The following FBXO16 variants were observed in gnomAD, a reference collection of about 807,000 sequenced individuals.
FBXO16 encodes F-box only protein 16.
Under a neutral mutation model 41.0 loss-of-function variants are expected in FBXO16, and 31 were observed. The ratio of observed to expected loss-of-function variants is 0.76; its 90% CI spans 0.57 to 1.02. The LOEUF (loss-of-function observed/expected upper bound fraction) is 1.02, where lower values mean the gene tolerates loss of function less well. Ranked by LOEUF, FBXO16 falls within the 50% of genes least tolerant of loss-of-function variation. The pLI is 0.00. For missense variants in FBXO16, 361 were observed against 346.2 expected, an observed-to-expected ratio of 1.04 and a Z score of -0.34; for synonymous variants, 133 against 117.8, an observed-to-expected ratio of 1.13 and a Z score of -0.84.
chr8:28,483,986 G>T (rs1033795772), intron 1 of FBXO16, among the ~76,000 whole-genome samples: 1 of 152,152 alleles, frequency 6.6e-6, no homozygotes. Flanking sequence ...TGAGGTGGTG[G>T]GTTTTAACTC....
At position 28,428,624 on chromosome 8, in the gene FBXO16, T is replaced by C. The variant is rs761126601; in HGVS notation, c.*103A>G. 17 of 1,552,884 alleles carry C rather than the reference T, an allele frequency of 1.1e-5. No homozygotes were observed. The highest frequency in any genetic ancestry group is 1.4e-5 in the Non-Finnish European group (16 of 1,147,728). On this transcript the variant is annotated 3_prime_UTR_variant, in exon 9 of 9. Transcript: ENST00000380254. Reference sequence around the variant, plus strand: ...TTGGGGCCCAGGGTGCCTGTGAGGATGCTGCATGAGAATTTCAGCTGTGGT... The same window carrying C: ...TTGGGGCCCAGGGTGCCTGTGAGGACGCTGCATGAGAATTTCAGCTGTGGT...
chr8:28,440,293 A>G (rs10087896), intron 7 of FBXO16, among the ~76,000 whole-genome samples: 9,447 of 151,978 alleles, frequency 0.062, 948 homozygotes, highest in African/African-American at 0.21. Flanking sequence ...TTGCAGAGAC[A>G]GGGTCTCACT....
chr8:28,449,154 C>A lies in FBXO16; in HGVS notation c.741-1881G>T, dbSNP rs1321151946. The A allele has an allele frequency of 2.0e-5, 3 of 151,948 alleles. No individual in the cohort carries two copies. In the East Asian group the frequency reaches 5.8e-4, roughly 29 times the overall value. 9.4% of individuals were successfully genotyped at this position (151,948 alleles called of 1,614,324 possible). The stretch of plus-strand genomic sequence containing the variant: ...TTAAGATGCATGTGGGCGGTGCAAT[C>A]CACAAAATCCAGAATGTGAGAAGCT... On this transcript the variant is annotated intron_variant, in intron 6 of 8. Coordinates refer to ENST00000380254, the MANE Select transcript of FBXO16 (RefSeq NM_172366.4).
rs1802902120 is a variant in FBXO16, at chr8:28,448,437, A to G, written c.741-1164T>C. Among the ~76,000 whole-genome samples the G allele has an allele frequency of 2.6e-5, 4 of 152,224 alleles. No homozygotes were observed. The South Asian group carries it at 8.3e-4, about 32-fold the overall frequency. ...AACCAAAAGTTAGATTTCTCCAAGT[A>G]TAGCTTATTTTGTATATTTAATTTT... is the stretch of plus-strand genomic sequence containing the variant. On this transcript the variant is annotated intron_variant, in intron 6 of 8. Transcript: ENST00000380254.
In FBXO16 at chr8:28,469,521, TCA is replaced by T. The variant is rs778992231; in HGVS notation, c.135+4249_135+4250del. ...AAGATTGTCATGCATTTCTATACATTCACACACACACATATCTCCATCAGCTT... is the reference window on the plus strand; with the variant it reads ...AAGATTGTCATGCATTTCTATACATTCACACACACATATCTCCATCAGCTT... On this transcript the variant is annotated intron_variant, in intron 3 of 8. Transcript: ENST00000380254. 1.1e-3 allele frequency among the ~76,000 whole-genome samples: 163 copies of T among 151,938 alleles called. 1 individual carries two copies. The highest frequency in any genetic ancestry group is 1.6e-3 in the Admixed American group (25 of 15,236).
rs115830801 is a variant in FBXO16 at position 28,464,027 on chromosome 8, A to G, written c.136-209T>C. ...ATGTGCATGACCTAAGTGCGCACAC[A>G]GAAGTGCATGTGACCTCAAAACTTG... On this transcript the variant is annotated intron_variant, in intron 3 of 8. Coordinates refer to ENST00000380254, the MANE Select transcript of FBXO16 (RefSeq NM_172366.4). Among the ~76,000 whole-genome samples the G allele has an allele frequency of 2.7e-3, 409 of 152,352 alleles. 3 individuals carry two copies. Among genetic ancestry groups the G allele is most frequent in the African/African-American group, 8.9e-3 (371 of 41,590 alleles).
At chr8:28,486,859 A>C (rs939564936) in intron 1 of FBXO16, among the ~76,000 whole-genome samples, 1 of 151,986 alleles carries the variant, frequency 6.6e-6, no homozygotes, top group South Asian at 2.1e-4. Context: ...AAAAACATAA[A>C]AATTAAATTC....
chr8:28,484,978 C>G (rs998661173), intron 1 of FBXO16, among the ~76,000 whole-genome samples: 1 of 152,094 alleles, frequency 6.6e-6, no homozygotes, highest in Non-Finnish European at 1.5e-5. Context: ...CAGGTTCAAG[C>G]GATCCTCCTG....
In FBXO16 at chr8:28,434,547, C is replaced by A. The variant is rs73574608; in HGVS notation, c.844-5144G>T. 9.2e-3 allele frequency among the ~76,000 whole-genome samples: 1,395 copies of A among 152,346 alleles called. 17 individuals carry two copies. Among genetic ancestry groups the A allele is most frequent in the African/African-American group, 0.031 (1,277 of 41,568 alleles). On this transcript the variant is annotated intron_variant, in intron 7 of 8. Transcript: ENST00000380254. ...TTATTAATTCATTTCTTCTTCACAA[C>A]ATGCCTGTGATGTGGTAAAGAATCT...
intron 4 of FBXO16, among the ~76,000 whole-genome samples, chr8:28,462,925 C>T (rs1210708994): frequency 6.6e-6 from 1 of 152,188 alleles, no homozygotes; most frequent in Non-Finnish European, 1.5e-5. Flanking sequence ...CTTATTGCAG[C>T]TGAATGCTGT....
At chr8:28,485,922 A>T (rs1270328158) in intron 1 of FBXO16, among the ~76,000 whole-genome samples, 1 of 152,064 alleles carries the variant, frequency 6.6e-6, no homozygotes, top group Admixed American at 6.5e-5. Context: ...AGCCTGACCA[A>T]CATGGTAAAA....
intron 7 of FBXO16, among the ~76,000 whole-genome samples, chr8:28,444,777 G>A (rs908866146): frequency 2.2e-5 from 2 of 90,934 alleles, no homozygotes; most frequent in African/African-American, 4.6e-5. Context: ...ACCGCGCCCG[G>A]ACTTTTTTTT....
At chr8:28,477,936 C>T (rs1055482139) in intron 2 of FBXO16, among the ~76,000 whole-genome samples, 23 of 152,070 alleles carry the variant, frequency 1.5e-4, no homozygotes, top group Non-Finnish European at 3.2e-4. Context: ...TAGCTTGAGC[C>T]CAGGAGGTGG....
At chr8:28,460,492 C>T (rs1378625665) in intron 4 of FBXO16, among the ~76,000 whole-genome samples, 1 of 137,048 alleles carries the variant, frequency 7.3e-6, no homozygotes, top group Non-Finnish European at 1.5e-5. Flanking sequence ...GGCATGATCT[C>T]GGCTCACTGC....
At chr8:28,473,885 G>A in intron 2 of FBXO16, 78 bp from the exon 3 acceptor site, 2 of 1,061,672 alleles carry the variant, frequency 1.9e-6, no homozygotes, top group South Asian at 2.8e-5. Flanking sequence ...ATACCATTAA[G>A]GGATCGGTGA....
intron 7 of FBXO16, among the ~76,000 whole-genome samples, chr8:28,433,386 G>A (rs1333815348): frequency 6.6e-6 from 1 of 152,236 alleles, no homozygotes; most frequent in East Asian, 1.9e-4. Context: ...ATGTGTTTCT[G>A]TTGCCCTGCT....
At position 28,441,872 on chromosome 8, in the gene FBXO16, TTA is replaced by T. The variant is rs36230032; in HGVS notation, c.843+5297_843+5298del. Among the ~76,000 whole-genome samples, 290 of 145,628 alleles carry T rather than the reference TTA, an allele frequency of 2.0e-3. 1 individual carries two copies. Among genetic ancestry groups the T allele is most frequent in the Non-Finnish European group, 2.7e-3 (181 of 66,464 alleles). Reference sequence around the variant, plus strand: ...ATAATGTGTGTATATATATGTGTGTTTATATATATATATATAAACTCCACAGT... The same window carrying T: ...ATAATGTGTGTATATATATGTGTGTTTATATATATATATAAACTCCACAGT... On this transcript the variant is annotated intron_variant, in intron 7 of 8. Transcript: ENST00000380254.
At chr8:28,480,780 C>T (rs1803498253) in intron 2 of FBXO16, among the ~76,000 whole-genome samples, 5 of 152,168 alleles carry the variant, frequency 3.3e-5, no homozygotes. Context: ...GCTGGGATTA[C>T]AAGTGTGAGC....
At chr8:28,463,918 T>C in intron 3 of FBXO16, 100 bp from the exon 4 acceptor site, 1 of 1,097,650 alleles carries the variant, frequency 9.1e-7, no homozygotes, top group Non-Finnish European at 1.3e-6. Flanking sequence ...AAAGGGAGTT[T>C]AGTAATTTAT....
Sources: gnomAD v4.1 joint callset for allele counts (sites outside exome capture counted in the v4.1 genomes callset) on GRCh38, gnomAD v4.1.1 for gene constraint, MANE v1.5 for transcripts, NCBI Gene and HGNC (gene_info 2026-07-23, HGNC 2026-07-21) for gene names.